Variants in DOCK3 observed in about 807,000 individuals in gnomAD.
The protein encoded by DOCK3 is dedicator of cytokinesis 3.
A neutral mutation model predicts 265.6 loss-of-function variants in DOCK3; 60 were observed. That is an observed-to-expected ratio of 0.23 (90% confidence interval 0.18 to 0.28). The LOEUF is 0.28. Ranked by LOEUF, DOCK3 falls within the 10% of genes least tolerant of loss-of-function variation. The pLI is 1.00. For missense variants in DOCK3, 1,981 were observed against 2,594.3 expected, an observed-to-expected ratio of 0.76 and a Z score of 5.14; for synonymous variants, 881 against 938.0, an observed-to-expected ratio of 0.94 and a Z score of 1.11.
intron 1 of DOCK3, among the ~76,000 whole-genome samples, chr3:50,775,200 AT>A (rs2041513942): frequency 6.6e-6 from 1 of 151,812 alleles, no homozygotes; most frequent in Non-Finnish European, 1.5e-5. Context: ...GATTGGTGTT[AT>A]TTTTTTCAGA....
chr3:51,342,282 T>C (rs2085292443), intron 38 of DOCK3, among the ~76,000 whole-genome samples: 4 of 152,222 alleles, frequency 2.6e-5, no homozygotes, highest in South Asian at 2.1e-4. Flanking sequence ...TCAGAAAACA[T>C]TTCCCCATAC....
intron 10 of DOCK3, among the ~76,000 whole-genome samples, chr3:51,148,704 C>T (rs935731440): frequency 1.3e-5 from 2 of 151,968 alleles, no homozygotes; most frequent in Admixed American, 6.6e-5. Context: ...TGGTCTATAC[C>T]TCTGTTTTGG....
chr3:50,721,993 T>C lies in DOCK3; in HGVS notation c.37+46693T>C, dbSNP rs2037503109. On this transcript the variant is annotated intron_variant, in intron 1 of 52. Transcript: ENST00000266037. The stretch of plus-strand genomic sequence containing the variant: ...CAATTATTTTCTACTGGGTCTTCAC[T>C]GAATGGGGGGTGGAAATATGCCAAA... Among the ~76,000 whole-genome samples the C allele has an allele frequency of 2.0e-5, 3 of 152,154 alleles. 1 individual carries two copies. The South Asian group carries it at 6.2e-4, about 31-fold the overall frequency.
At position 51,251,183 on chromosome 3, in the gene DOCK3, T is replaced by C. The variant is rs140157863; in HGVS notation, c.2184+4376T>C. ...TGGATTCCAGCTTCATCCATATCCC[T>C]ACAAAGGACATGAACTCATCCTTTT... On this transcript the variant is annotated intron_variant, in intron 22 of 52. Coordinates refer to ENST00000266037, the MANE Select transcript of DOCK3 (RefSeq NM_004947.5). Among the ~76,000 whole-genome samples the C allele has an allele frequency of 2.7e-3, 416 of 152,370 alleles. 1 individual carries two copies. The highest frequency in any genetic ancestry group is 9.4e-3 in the African/African-American group (390 of 41,600).
At chr3:50,740,184 AC>A (rs1196263642) in intron 1 of DOCK3, among the ~76,000 whole-genome samples, 2 of 152,052 alleles carry the variant, frequency 1.3e-5, no homozygotes, top group Non-Finnish European at 2.9e-5. Flanking sequence ...TATCTCTGTT[AC>A]CTGTATCAAT....
rs150814795 is a variant in DOCK3 at position 51,297,581 on chromosome 3, C to T, written c.2923-12651C>T. Reference sequence around the variant, plus strand: ...TAGCCAATATGCACAAGAAAAGATACTCCACATTATTACTCATTAAGGAAA... The same window carrying T: ...TAGCCAATATGCACAAGAAAAGATATTCCACATTATTACTCATTAAGGAAA... On this transcript the variant is annotated intron_variant, in intron 27 of 52. Coordinates refer to ENST00000266037, the MANE Select transcript of DOCK3 (RefSeq NM_004947.5). 1.6e-3 allele frequency among the ~76,000 whole-genome samples: 248 copies of T among 152,170 alleles called. 1 individual carries two copies. Among genetic ancestry groups the T allele is most frequent in the Admixed American group, 6.5e-3 (100 of 15,286 alleles).
intron 12 of DOCK3, among the ~76,000 whole-genome samples, chr3:51,207,114 T>TAGG (rs905378131): frequency 1.3e-5 from 2 of 152,068 alleles, no homozygotes; most frequent in African/African-American, 4.8e-5. Context: ...GGAAGGCTTG[T>TAGG]AGGGTAAGAA....
At chr3:51,346,448 G>A (rs920329751) in intron 38 of DOCK3, among the ~76,000 whole-genome samples, 2 of 152,126 alleles carry the variant, frequency 1.3e-5, no homozygotes, top group Non-Finnish European at 2.9e-5. Flanking sequence ...CTTCATCCAT[G>A]TCCCTACAAA....
At chr3:51,272,892 C>T (rs1172762531) in intron 24 of DOCK3, among the ~76,000 whole-genome samples, 4 of 151,814 alleles carry the variant, frequency 2.6e-5, no homozygotes, top group Non-Finnish European at 4.4e-5. Flanking sequence ...TGGCCGGGCA[C>T]GGTGGCTCAC....
chr3:51,044,312 C>T (rs527277254), intron 5 of DOCK3, among the ~76,000 whole-genome samples: 1 of 152,092 alleles, frequency 6.6e-6, no homozygotes, highest in East Asian at 1.9e-4. Context: ...TTATCCTTAA[C>T]AAACTAACAC....
rs9854309 is a variant in DOCK3 at position 51,145,383 on chromosome 3, G to A, written c.747-1166G>A. Among the ~76,000 whole-genome samples, 561 of 151,842 alleles carry A rather than the reference G, an allele frequency of 3.7e-3. 4 individuals carry two copies. Among genetic ancestry groups the A allele is most frequent in the African/African-American group, 0.013 (536 of 41,400 alleles). ...TCCTAATGCTATCCCTCCCCACTCC[G>A]CCTACCCCACACCAGTCCCTGGAGT... On this transcript the variant is annotated intron_variant, in intron 9 of 52. Transcript: ENST00000266037.
intron 12 of DOCK3, among the ~76,000 whole-genome samples, chr3:51,205,490 T>G (rs2089141005): frequency 6.6e-6 from 1 of 150,492 alleles, no homozygotes; most frequent in Non-Finnish European, 1.5e-5. Flanking sequence ...GTTCAGGAGT[T>G]CGAGACCAGC....
intron 3 of DOCK3, among the ~76,000 whole-genome samples, chr3:50,860,132 GGTT>G (rs754315453): frequency 5.9e-5 from 9 of 152,276 alleles, no homozygotes; most frequent in Non-Finnish European, 1.0e-4. Flanking sequence ...CCAAGTCAGG[GGTT>G]CCTTGTCTGG....
At chr3:50,798,910 G>T (rs1256137634) in intron 2 of DOCK3, among the ~76,000 whole-genome samples, 1 of 152,142 alleles carries the variant, frequency 6.6e-6, no homozygotes, top group Non-Finnish European at 1.5e-5. Context: ...AGAGTGAGAG[G>T]TAGAAGTCTA....
intron 5 of DOCK3, among the ~76,000 whole-genome samples, chr3:50,956,197 T>G (rs1333200311): frequency 6.6e-6 from 1 of 152,208 alleles, no homozygotes; most frequent in East Asian, 1.9e-4. Context: ...TATTTCATTT[T>G]ATAGAAGATA....
chr3:50,872,248 G>C (rs2047467031), intron 3 of DOCK3, among the ~76,000 whole-genome samples: 1 of 152,208 alleles, frequency 6.6e-6, no homozygotes, highest in Non-Finnish European at 1.5e-5. Flanking sequence ...TCTGCTTTAG[G>C]GGGGACCCCA....
In DOCK3 at chr3:51,356,227, G is replaced by T. The variant is rs746570235; in HGVS notation, c.4388G>T (p.Gly1463Val). ...CGGTATGACAGGCCTTTTCACAAAG[G>T]CCCCAAGGACAAGGAGAATGAATTC... ...KFRYDRPFHK[G>V]PKDKENEFKS... Residue 1463 changes from glycine to valine, a missense_variant, in exon 42 of 53, where the codon GGC becomes GTC. This residue lies in a region of DOCK3 where 1,357 missense variants were observed against 1,866.8 expected (regional missense o/e 0.73). Coordinates refer to ENST00000266037, the MANE Select transcript of DOCK3 (RefSeq NM_004947.5). The T allele has an allele frequency of 1.9e-6, 3 of 1,613,488 alleles. No homozygotes were observed. The highest frequency in any genetic ancestry group is 1.1e-5 in the South Asian group (1 of 91,042).
intron 1 of DOCK3, among the ~76,000 whole-genome samples, chr3:50,740,255 T>G (rs896706836): frequency 6.6e-6 from 1 of 152,192 alleles, no homozygotes; most frequent in Non-Finnish European, 1.5e-5. Flanking sequence ...CAAAATTTGT[T>G]TATCCATTCA....
chr3:51,367,934 C>T (rs564412012), intron 49 of DOCK3, among the ~76,000 whole-genome samples: 5 of 152,294 alleles, frequency 3.3e-5, no homozygotes, highest in Admixed American at 2.6e-4. Flanking sequence ...TTTTTTCCTT[C>T]GTTTCAACTT....
Sources: allele counts gnomAD v4.1 joint callset (sites outside exome capture counted in the v4.1 genomes callset), GRCh38; gene constraint gnomAD v4.1.1; regional missense constraint gnomAD v4.1.1; transcripts MANE v1.5; gene names NCBI Gene and HGNC (gene_info 2026-07-23, HGNC 2026-07-21).